SHPRH: variants seen among roughly 807,000 people sequenced by gnomAD.
The protein encoded by SHPRH is E3 ubiquitin-protein ligase SHPRH.
Under a neutral mutation model 202.5 loss-of-function variants are expected in SHPRH, and 106 were observed. The ratio of observed to expected loss-of-function variants is 0.52; its 90% CI spans 0.45 to 0.62. The LOEUF (loss-of-function observed/expected upper bound fraction) is 0.62. Among genes scored for constraint, SHPRH ranks in the 20% least tolerant of loss-of-function variants. The pLI, the probability that SHPRH is intolerant of heterozygous loss-of-function variation, is 0.00. For missense variants in SHPRH, 1,710 were observed against 2,020.0 expected, an observed-to-expected ratio of 0.85 and a Z score of 2.94; for synonymous variants, 729 against 686.0, an observed-to-expected ratio of 1.06 and a Z score of -0.98.
intron 8 of SHPRH, among the ~76,000 whole-genome samples, chr6:145,944,130 T>G (rs1787105386): frequency 6.6e-6 from 1 of 152,180 alleles, no homozygotes. Context: ...TTCGAGTACA[T>G]AAATATACAA....
chr6:145,873,730 A>AGGGG (rs1780168905), intron 2 of SHPRH, among the ~76,000 whole-genome samples: 2 of 41,710 alleles, frequency 4.8e-5, no homozygotes, highest in Non-Finnish European at 4.5e-5. Flanking sequence ...GGAGGGAGGG[A>AGGGG]GGGAGGGAGG....
chr6:145,880,970 TATTTA>T (rs1274417246), downstream of SHPRH, among the ~76,000 whole-genome samples: 1 of 152,122 alleles, frequency 6.6e-6, no homozygotes, highest in East Asian at 1.9e-4. Context: ...TCTCCAAACT[TATTTA>T]ATTACATATC....
downstream of SHPRH, chr6:145,881,785 G>A (rs1017023309): frequency 6.6e-6 from 1 of 152,154 alleles, no homozygotes; most frequent in Non-Finnish European, 1.5e-5. Context: ...TGAAAAAAAG[G>A]AAGTAAGGAA....
In SHPRH at chr6:145,885,399, T is replaced by G. The variant is rs1260256590; in HGVS notation, c.*1292A>C. The G allele has an allele frequency of 6.6e-6, 1 of 152,468 alleles. No homozygotes were observed. The highest frequency in any genetic ancestry group is 1.5e-5 in the Non-Finnish European group (1 of 68,008). 9.4% of individuals were successfully genotyped at this position (152,468 alleles called of 1,614,324 possible). The stretch of plus-strand genomic sequence containing the variant: ...ACTCTATAAACCTAGAGTAAGAAAA[T>G]GCACCTTAACTAAGCACCAAAGCCT... On this transcript the variant is annotated 3_prime_UTR_variant, in exon 30 of 30. Coordinates refer to ENST00000275233, the MANE Select transcript of SHPRH (RefSeq NM_001042683.3).
chr6:145,897,296 G>A (rs1782097420), intron 25 of SHPRH, among the ~76,000 whole-genome samples: 1 of 151,890 alleles, frequency 6.6e-6, no homozygotes, highest in Non-Finnish European at 1.5e-5. Context: ...AGAAGAAATG[G>A]ATAAATTCCC....
intron 2 of SHPRH, among the ~76,000 whole-genome samples, chr6:145,875,269 G>C (rs1780248824): frequency 6.6e-6 from 1 of 152,158 alleles, no homozygotes; most frequent in Admixed American, 6.5e-5. Flanking sequence ...TCAAAGCTTG[G>C]GGGTGGAGTA....
intron 25 of SHPRH, chr6:145,908,833 G>A (rs1023954025): frequency 2.0e-5 from 3 of 152,078 alleles, no homozygotes; most frequent in Admixed American, 6.6e-5. Flanking sequence ...CCATGCCTAC[G>A]TCCTGAATGG....
intron 1 of SHPRH, among the ~76,000 whole-genome samples, chr6:145,960,365 T>C (rs1249718336): frequency 6.6e-6 from 1 of 152,138 alleles, no homozygotes; most frequent in African/African-American, 2.4e-5. Context: ...TAGGTGAAAC[T>C]GCACATGGCA....
In SHPRH at chr6:145,955,128, C is replaced by T. The variant is rs1278688193; in HGVS notation, c.195G>A (p.Val65=). 1 of 1,613,654 alleles carries T rather than the reference C, an allele frequency of 6.2e-7. No homozygotes were observed. Among genetic ancestry groups the T allele is most frequent in the Admixed American group, 1.7e-5 (1 of 59,982 alleles). ...IILSDSLKEE[V]AHRDKKRCSK... The stretch of plus-strand genomic sequence containing the variant: ...AACACCTCTTCTTATCTCTGTGAGC[C>T]ACTTCTTCCTTTAGACTATCACTTA... Residue 65 remains valine (V), a synonymous_variant, in exon 2 of 30, where the codon GTG becomes GTA. Coordinates refer to ENST00000275233, the MANE Select transcript of SHPRH (RefSeq NM_001042683.3).
chr6:145,912,494 A>G (rs1243889132), intron 24 of SHPRH, among the ~76,000 whole-genome samples: 1 of 152,116 alleles, frequency 6.6e-6, no homozygotes, highest in Admixed American at 6.6e-5. Flanking sequence ...ACTAAAAGCA[A>G]AAAATACTAC....
At chr6:145,959,369 A>G (rs1331288235) in intron 1 of SHPRH, among the ~76,000 whole-genome samples, 3 of 152,220 alleles carry the variant, frequency 2.0e-5, no homozygotes, top group Non-Finnish European at 4.4e-5. Context: ...GTTTAAATAT[A>G]CAAATACTAC....
chr6:145,932,989 T>C (rs1174563420), intron 14 of SHPRH, 68 bp downstream of exon 14: 7 of 1,530,582 alleles, frequency 4.6e-6, no homozygotes, highest in Middle Eastern at 1.8e-4. Context: ...TCAAAATCTA[T>C]TTTTTCTATA....
chr6:145,934,650 G>A (rs1377085990), intron 13 of SHPRH, among the ~76,000 whole-genome samples: 2 of 151,304 alleles, frequency 1.3e-5, no homozygotes, highest in Admixed American at 6.6e-5. Context: ...GGGAAAGAGT[G>A]AGACCCCGTC....
chr6:145,954,510 T>C (rs1162201634), intron 2 of SHPRH, among the ~76,000 whole-genome samples, 180 bp downstream of exon 2: 2 of 152,150 alleles, frequency 1.3e-5, no homozygotes, highest in Non-Finnish European at 2.9e-5. Flanking sequence ...TGAAAAAGTG[T>C]AGCCTGAAAA....
intron 9 of SHPRH, among the ~76,000 whole-genome samples, chr6:145,942,709 T>G (rs910122900): frequency 2.0e-5 from 3 of 152,202 alleles, no homozygotes; most frequent in Non-Finnish European, 4.4e-5. Context: ...CAATAAAGAT[T>G]TGCTGTATAA....
In SHPRH at chr6:145,913,797, T is replaced by C. The variant is rs148120258; in HGVS notation, c.4255-248A>G. 2.3e-3 allele frequency among the ~76,000 whole-genome samples: 346 copies of C among 152,246 alleles called. 3 individuals are homozygous for C. The highest frequency in any genetic ancestry group is 7.8e-3 in the African/African-American group (324 of 41,566). Reference sequence around the variant, plus strand: ...TTTAATCACACAGGTTGAATATCCCTAATCCAAAATCTGAAATCTGAAATG... The same window carrying C: ...TTTAATCACACAGGTTGAATATCCCCAATCCAAAATCTGAAATCTGAAATG... On this transcript the variant is annotated intron_variant, in intron 23 of 29. Coordinates refer to ENST00000275233, the MANE Select transcript of SHPRH (RefSeq NM_001042683.3).
At chr6:145,939,704 A>G (rs912202331) in intron 11 of SHPRH, among the ~76,000 whole-genome samples, 1 of 152,184 alleles carries the variant, frequency 6.6e-6, no homozygotes, top group Non-Finnish European at 1.5e-5. Context: ...TACTGAACGT[A>G]ATATTATTCT....
At chr6:145,897,913 T>C (rs2265469) in intron 25 of SHPRH, among the ~76,000 whole-genome samples, 56,334 of 151,992 alleles carry the variant, frequency 0.37, 10,958 homozygotes, top group South Asian at 0.49. Flanking sequence ...TAGCATCATA[T>C]TCAATGGTGA....
At chr6:145,955,379 A>T in intron 1 of SHPRH, 25 bp from the exon 2 acceptor site, 1 of 1,524,110 alleles carries the variant, frequency 6.6e-7, no homozygotes, top group Non-Finnish European at 8.7e-7. Flanking sequence ...AAACAACAGG[A>T]GGTATAACAA....
Sources: allele counts gnomAD v4.1 joint callset (sites outside exome capture counted in the v4.1 genomes callset), GRCh38; gene constraint gnomAD v4.1.1; transcripts MANE v1.5; gene names NCBI Gene and HGNC (gene_info 2026-07-23, HGNC 2026-07-21).